PHLDB2: variants seen among roughly 807,000 people sequenced by gnomAD.
PHLDB2 encodes the protein pleckstrin homology like domain family B member 2.
In PHLDB2, 71 loss-of-function variants were observed where a neutral mutation model predicts 123.6. The ratio of observed to expected loss-of-function variants is 0.57; its 90% CI spans 0.47 to 0.70. The LOEUF (loss-of-function observed/expected upper bound fraction) is 0.70. Ranked by LOEUF, PHLDB2 falls within the 30% of genes least tolerant of loss-of-function variation. The pLI is 0.00. For synonymous variants in PHLDB2, 547 were observed against 541.6 expected (o/e 1.01, Z -0.14); for missense variants, 1,446 against 1,519.5 (o/e 0.95, Z 0.80).
intron 2 of PHLDB2, among the ~76,000 whole-genome samples, chr3:111,854,230 A>C (rs1290061086): frequency 6.6e-6 from 1 of 152,178 alleles, no homozygotes; most frequent in Non-Finnish European, 1.5e-5. Context: ...AACTGCCCCC[A>C]AGATCCAATT....
intron 1 of PHLDB2, among the ~76,000 whole-genome samples, chr3:111,768,777 G>T (rs568392757): frequency 6.6e-6 from 1 of 152,284 alleles, no homozygotes; most frequent in African/African-American, 2.4e-5. Flanking sequence ...CTTGGAGTTT[G>T]CTCTGCCCTG....
intron 1 of PHLDB2, among the ~76,000 whole-genome samples, chr3:111,878,264 T>A (rs2065749478): frequency 6.6e-6 from 1 of 152,228 alleles, no homozygotes; most frequent in Non-Finnish European, 1.5e-5. Flanking sequence ...AAGAGGTTCT[T>A]CACATCCCTT....
chr3:111,916,278 C>T (rs2068172421), intron 3 of PHLDB2: 1 of 152,234 alleles, frequency 6.6e-6, no homozygotes. Context: ...GGTTACCAGA[C>T]AGCAGTGTAG....
intron 2 of PHLDB2, among the ~76,000 whole-genome samples, chr3:111,898,037 A>G (rs2066968526): frequency 6.6e-6 from 1 of 152,182 alleles, no homozygotes. Flanking sequence ...AAAAATACTA[A>G]CAATTATATG....
intron 1 of PHLDB2, among the ~76,000 whole-genome samples, chr3:111,775,085 A>G (rs1439789433): frequency 1.3e-5 from 2 of 152,190 alleles, no homozygotes; most frequent in Non-Finnish European, 2.9e-5. Flanking sequence ...ATAGCTATCA[A>G]TCAGTGAACA....
intron 1 of PHLDB2, among the ~76,000 whole-genome samples, chr3:111,767,652 T>A (rs1027727210): frequency 6.6e-6 from 1 of 152,236 alleles, no homozygotes; most frequent in African/African-American, 2.4e-5. Flanking sequence ...TACTTAAAAC[T>A]GTACCTGGCA....
At chr3:111,854,994 G>A (rs1282982), upstream of PHLDB2, among the ~76,000 whole-genome samples, 140,890 of 152,280 alleles carry the variant, frequency 0.93, 66,084 homozygotes, top group East Asian at 1. Flanking sequence ...TTTTGACCCA[G>A]GGGCAGGATT....
At chr3:111,755,928 G>T (rs2059880211) in intron 1 of PHLDB2, among the ~76,000 whole-genome samples, 1 of 151,364 alleles carries the variant, frequency 6.6e-6, no homozygotes, top group South Asian at 2.1e-4. Context: ...TCATTCAGGA[G>T]CAGGTTGTTC....
chr3:111,911,547 TG>T, intron 2 of PHLDB2: 1 of 1,358,458 alleles, frequency 7.4e-7, no homozygotes, highest in Non-Finnish European at 1.0e-6. Flanking sequence ...AAAGCTGAGG[TG>T]GGCAGGGCTT....
At chr3:111,768,729 C>T (rs1020999155) in intron 1 of PHLDB2, among the ~76,000 whole-genome samples, 2 of 152,178 alleles carry the variant, frequency 1.3e-5, no homozygotes, top group Admixed American at 1.3e-4. Context: ...ATTTAAATGT[C>T]TTCCTGTGTA....
chr3:111,861,946 A>G (rs2064852946), intron 1 of PHLDB2, among the ~76,000 whole-genome samples: 1 of 152,144 alleles, frequency 6.6e-6, no homozygotes, highest in Non-Finnish European at 1.5e-5. Flanking sequence ...GGTTCAAGCC[A>G]TTTTCCTGCC....
chr3:111,946,131 C>T (rs1032434130), intron 9 of PHLDB2, among the ~76,000 whole-genome samples: 3 of 152,120 alleles, frequency 2.0e-5, no homozygotes, highest in African/African-American at 4.8e-5. Flanking sequence ...AAGCAATTCT[C>T]CTGTCTCAGC....
intron 1 of PHLDB2, among the ~76,000 whole-genome samples, chr3:111,827,685 CAAAAAAAAAAAAA>C (rs565813163): frequency 8.3e-4 from 61 of 73,208 alleles, no homozygotes; most frequent in Non-Finnish European, 1.5e-3. Context: ...GAATCCGTCT[CAAAAAAAAAAAAA>C]AAAAAAAAAA....
At chr3:111,821,661 A>T (rs1364302399) in intron 1 of PHLDB2, among the ~76,000 whole-genome samples, 1 of 152,222 alleles carries the variant, frequency 6.6e-6, no homozygotes, top group African/African-American at 2.4e-5. Context: ...ATACCTTCAC[A>T]GCCACATTAG....
At chr3:111,862,371 T>C (rs1217255171) in intron 1 of PHLDB2, among the ~76,000 whole-genome samples, 2 of 152,226 alleles carry the variant, frequency 1.3e-5, no homozygotes, top group Non-Finnish European at 2.9e-5. Context: ...ACCTAAGTGA[T>C]GTGCTTTATC....
intron 1 of PHLDB2, among the ~76,000 whole-genome samples, chr3:111,828,825 A>G (rs1267904185): frequency 1.3e-5 from 2 of 152,088 alleles, no homozygotes; most frequent in Non-Finnish European, 2.9e-5. Context: ...AAAAGATTAT[A>G]CCTTCCACTT....
At chr3:111,891,049 C>T (rs1391851192) in intron 2 of PHLDB2, among the ~76,000 whole-genome samples, 2 of 152,044 alleles carry the variant, frequency 1.3e-5, no homozygotes, top group Non-Finnish European at 2.9e-5. Flanking sequence ...GTTCATAGAC[C>T]TTGTGACATC....
At chr3:111,904,935 T>A (rs1277124819) in intron 2 of PHLDB2, among the ~76,000 whole-genome samples, 1 of 152,196 alleles carries the variant, frequency 6.6e-6, no homozygotes, top group Non-Finnish European at 1.5e-5. Flanking sequence ...ATGATGGGAA[T>A]GTGTTGCTGA....
chr3:111,858,242 G>C (rs1388550148), upstream of PHLDB2, among the ~76,000 whole-genome samples: 4 of 152,080 alleles, frequency 2.6e-5, no homozygotes, highest in African/African-American at 9.7e-5. Context: ...TCATAAGTGG[G>C]AGTTGAACAA....
Sources: allele counts gnomAD v4.1 joint callset (sites outside exome capture counted in the v4.1 genomes callset), GRCh38; gene constraint gnomAD v4.1.1; transcripts MANE v1.5; gene names NCBI Gene and HGNC (gene_info 2026-07-23, HGNC 2026-07-21).